ADGRF3: variants seen among roughly 807,000 people sequenced by gnomAD.
The protein encoded by ADGRF3 is G protein-coupled receptor 113.
A neutral mutation model predicts 93.2 loss-of-function variants in ADGRF3; 85 were observed. The observed-to-expected ratio is 0.91, with a 90% CI of 0.77 to 1.09. The LOEUF is 1.09. Among genes scored for constraint, ADGRF3 ranks in the 50% least tolerant of loss-of-function variants. The pLI is 0.00. For synonymous variants in ADGRF3, 534 were observed against 532.5 expected (o/e 1.00, Z -0.04); for missense variants, 1,125 against 1,246.2 (o/e 0.90, Z 1.46).
chr2:26,317,973 T>C (rs1371414323), intron 1 of ADGRF3: 1 of 1,455,988 alleles, frequency 6.9e-7, no homozygotes, highest in South Asian at 1.2e-5. Flanking sequence ...AGGCAGCCTC[T>C]TTCCTCCGTC....
chr2:26,314,364 C>G, intron 6 of ADGRF3, 50 bp downstream of exon 6: 1 of 1,541,190 alleles, frequency 6.5e-7, no homozygotes. Context: ...CTGGAAGAGA[C>G]AGCTGCCCCC....
chr2:26,339,703 T>G (rs907282758), intron 1 of ADGRF3, among the ~76,000 whole-genome samples: 3 of 152,122 alleles, frequency 2.0e-5, no homozygotes, highest in Non-Finnish European at 4.4e-5. Flanking sequence ...CATGCTAGTA[T>G]CTAATTATAC....
rs915994134 is a variant in ADGRF3, at chr2:26,308,267, C to A, written c.*819G>T. ...ATTGCATAATTAACAAAGACCGATTCATCAGACTTTTTTCACGTATCTAGT... is the reference window on the plus strand; with the variant it reads ...ATTGCATAATTAACAAAGACCGATTAATCAGACTTTTTTCACGTATCTAGT... On this transcript the variant is annotated 3_prime_UTR_variant, in exon 14 of 14. Coordinates refer to ENST00000651242, the MANE Select transcript of ADGRF3 (RefSeq NM_001321971.2). 6.6e-6 allele frequency: 1 copy of A among 152,144 alleles called. No individual in the cohort carries two copies. Among genetic ancestry groups the A allele is most frequent in the Non-Finnish European group, 1.5e-5 (1 of 68,024 alleles). The allele number at this position is 152,144 out of a possible 1,614,324, so 9.4% of individuals were successfully genotyped here. A position where few individuals can be genotyped will look rare whatever the true frequency, so the allele number is the denominator to read the frequency against.
chr2:26,340,684 G>A (rs902772156), intron 1 of ADGRF3, among the ~76,000 whole-genome samples: 1 of 151,698 alleles, frequency 6.6e-6, no homozygotes, highest in African/African-American at 2.4e-5. Context: ...TTCTGCTTCC[G>A]TTTTAGTGGA....
chr2:26,332,883 C>T (rs1331395754), intron 1 of ADGRF3, among the ~76,000 whole-genome samples: 7 of 152,102 alleles, frequency 4.6e-5, no homozygotes, highest in African/African-American at 7.2e-5. Flanking sequence ...TCCCAAAGTG[C>T]AGGGATTATA....
chr2:26,333,902 C>A (rs2147916183), intron 1 of ADGRF3, among the ~76,000 whole-genome samples: 1 of 152,104 alleles, frequency 6.6e-6, no homozygotes, highest in African/African-American at 2.4e-5. Flanking sequence ...CGGCTCACTG[C>A]AACCTCCACT....
Position 26,313,902 on chromosome 2 carries a change from A to G in ADGRF3, c.930T>C (p.Ala310=), listed in dbSNP as rs2147874399. ...GAGAGCCTGACTCGTTGAAGGAGGA[A>G]GCTGAAGGCAAAACGAAGAAGGGAA... ...AAWSPGEGSK[A]SSFNESGSQC... is the part of the protein sequence containing the mutation. Residue 310 remains alanine, a splice_region_variant and synonymous_variant, in exon 7 of 14, where the codon GCT becomes GCC. Transcript: ENST00000651242. The G allele has an allele frequency of 6.2e-7, 1 of 1,613,950 alleles. No homozygotes were observed. The highest frequency in any genetic ancestry group is 1.1e-5 in the South Asian group (1 of 91,088).
At chr2:26,325,960 C>T (rs972786482) in intron 1 of ADGRF3, among the ~76,000 whole-genome samples, 4 of 152,152 alleles carry the variant, frequency 2.6e-5, no homozygotes, top group South Asian at 2.1e-4. Context: ...AAATCCTGGA[C>T]GGCTGCAAGA....
chr2:26,309,537 G>T lies in ADGRF3; in HGVS notation c.2982C>A (p.Ser994Arg). ...GCILEHSKGG[S>R]DTARKTDASE is the part of the protein sequence containing the mutation. ...AGCCTAGTTCTCACCTGGCAGTGTC[G>T]CTTCCTCCTTTGCTGTGTTCCAAGA... Residue 994 changes from serine (S) to arginine (R), a missense_variant, in exon 13 of 14, where the codon AGC becomes AGA. Coordinates refer to ENST00000651242, the MANE Select transcript of ADGRF3 (RefSeq NM_001321971.2). 1.9e-6 allele frequency: 3 copies of T among 1,612,324 alleles called. No homozygotes were observed. The highest frequency in any genetic ancestry group is 2.5e-6 in the Non-Finnish European group (3 of 1,179,386).
intron 10 of ADGRF3, 102 bp from the exon 11 acceptor site, chr2:26,310,339 A>C: frequency 2.6e-5 from 35 of 1,323,948 alleles, no homozygotes; most frequent in Non-Finnish European, 3.5e-5. Flanking sequence ...AAGGCTTCTC[A>C]TCTCAATTTT....
Position 26,313,424 on chromosome 2 carries a change from T to A in ADGRF3, c.1222A>T (p.Ser408Cys). 2.5e-6 allele frequency: 4 copies of A among 1,609,104 alleles called. No homozygotes were observed. The highest frequency in any genetic ancestry group is 3.4e-6 in the Non-Finnish European group (4 of 1,177,878). The change falls in exon 8 of 14, where the codon AGC (serine) becomes TGC (cysteine). Residue 408 changes from serine to cysteine, a missense_variant. By Grantham distance (112) the Ser-to-Cys change is moderately radical (BLOSUM62 -1). Coordinates refer to ENST00000651242, the MANE Select transcript of ADGRF3 (RefSeq NM_001321971.2). ...AGGAGCCTCGCATCTGTGCAGCTGC[T>A]GTGGACCGGCCCCCAGACTCCGTCA... ...GADGVWGPVH[S>C]SCTDARLLAL... is the part of the protein sequence containing the mutation.
At chr2:26,309,374 T>C (rs1457170148) in intron 13 of ADGRF3, 152 bp downstream of exon 13, 1 of 1,493,426 alleles carries the variant, frequency 6.7e-7, no homozygotes, top group African/African-American at 1.4e-5. Flanking sequence ...CATCTAGCAA[T>C]GGCTACCCTA....
At chr2:26,335,181 T>TTA (rs1451498987) in intron 1 of ADGRF3, among the ~76,000 whole-genome samples, 2 of 152,174 alleles carry the variant, frequency 1.3e-5, no homozygotes, top group Non-Finnish European at 2.9e-5. Context: ...ATCTCACACT[T>TTA]ATTAGTTATT....
intron 1 of ADGRF3, among the ~76,000 whole-genome samples, chr2:26,340,151 TTATAGACAACAG>T (rs1305948035): frequency 6.6e-6 from 1 of 152,204 alleles, no homozygotes; most frequent in Non-Finnish European, 1.5e-5. Context: ...TTTTCTAGAC[TTATAGACAACAG>T]TGTCTGATTT....
Position 26,317,494 on chromosome 2 carries a change from AC to A in ADGRF3, c.181+1del. 1 of 1,584,118 alleles carries A rather than the reference AC, an allele frequency of 6.3e-7. No individual in the cohort carries two copies. The highest frequency in any genetic ancestry group is 8.6e-7 in the Non-Finnish European group (1 of 1,166,494). Reference sequence around the variant, plus strand: ...CCCTCCTCCTCCTGTCCATACACTCACCCCCTGCTCCATTCTCTTGGTCCAG... The same window carrying A: ...CCCTCCTCCTCCTGTCCATACACTCACCCCTGCTCCATTCTCTTGGTCCAG... On this transcript the variant is annotated splice_donor_variant, in intron 2 of 13. Transcript: ENST00000651242. LOFTEE classifies it high-confidence loss of function.
intron 1 of ADGRF3, among the ~76,000 whole-genome samples, chr2:26,333,918 G>C (rs1481749111): frequency 6.6e-6 from 1 of 151,980 alleles, no homozygotes; most frequent in African/African-American, 2.4e-5. Flanking sequence ...CCACTTCCCA[G>C]GTTCAAGCAA....
intron 3 of ADGRF3, 61 bp from the exon 4 acceptor site, chr2:26,316,509 C>A: frequency 6.7e-7 from 1 of 1,482,868 alleles, no homozygotes; most frequent in East Asian, 2.5e-5. Context: ...GTGGGCAGGG[C>A]AGACACCTGC....
intron 1 of ADGRF3, among the ~76,000 whole-genome samples, chr2:26,325,886 G>A (rs987433554): frequency 1.7e-4 from 26 of 152,062 alleles, no homozygotes; most frequent in African/African-American, 5.3e-4. Context: ...CTAAGTGTGA[G>A]ACAAAATCCT....
Position 26,310,875 on chromosome 2 carries a change from C to A in ADGRF3, c.2649G>T (p.Leu883Phe). ...GLVLAMAMLK[L>F]LRPSLSEGPP... ...GTCCCTCTGACAGCGAAGGTCTCAG[C>A]AACTTCAGCATGGCCATGGCTAGTA... Residue 883 changes from leucine to phenylalanine, a missense_variant, in exon 10 of 14, where the codon TTG becomes TTT. By Grantham distance (22) the Leu-to-Phe change is conservative. Transcript: ENST00000651242. 6.2e-7 allele frequency: 1 copy of A among 1,612,508 alleles called. No homozygotes were observed. The highest frequency in any genetic ancestry group is 1.1e-5 in the South Asian group (1 of 90,976).
Sources: allele counts gnomAD v4.1 joint callset (sites outside exome capture counted in the v4.1 genomes callset), GRCh38; gene constraint gnomAD v4.1.1; transcripts MANE v1.5; gene names NCBI Gene and HGNC (gene_info 2026-07-23, HGNC 2026-07-21).